RUSC2: variants seen among roughly 807,000 people sequenced by gnomAD.
The protein encoded by RUSC2 is RUN and SH3 domain containing 2.
In RUSC2, 34 loss-of-function variants were observed where a neutral mutation model predicts 122.2. The observed-to-expected ratio is 0.28, with a 90% CI of 0.21 to 0.37. The LOEUF (loss-of-function observed/expected upper bound fraction) is 0.37, where lower values mean the gene tolerates loss of function less well. RUSC2 is among the 10% of genes least tolerant of loss of function. The probability of loss-of-function intolerance (pLI) is 1.00; values close to 1 mark genes in which losing one functional copy is unlikely to be tolerated. For synonymous variants in RUSC2, 784 were observed against 790.0 expected (o/e 0.99, Z 0.13); for missense variants, 1,747 against 1,952.4 (o/e 0.89, Z 1.98).
rs146775798 is a variant in RUSC2 at position 35,546,767 on chromosome 9, C to T, written c.246C>T (p.Asp82=). ...STPGGTARSI[D]STKSRSRDGR... ...CAGGAGGAACTGCACGGTCTATAGA[C>T]AGCACCAAGAGTAGGAGTCGGGATG... The change falls in exon 2 of 12, where the codon GAC becomes GAT. Residue 82 remains aspartate (D), a synonymous_variant. Transcript: ENST00000361226. This position sits in a 1 kb window ranked among gnomAD's most constrained non-coding sequence, Gnocchi z 4.3. The T allele has an allele frequency of 5.1e-4, 811 of 1,601,818 alleles. 1 individual carries two copies. The highest frequency in any genetic ancestry group is 5.7e-4 in the Non-Finnish European group (675 of 1,174,382).
At chr9:35,490,320 C>G (rs1776702986) in intron 1 of RUSC2, 148 bp downstream of exon 1, 1 of 155,024 alleles carries the variant, frequency 6.5e-6, no homozygotes, top group African/African-American at 2.4e-5. Context: ...GCTGCACCCG[C>G]CCTCTGCGTC....
At chr9:35,494,482 T>C (rs1564239452) in intron 1 of RUSC2, among the ~76,000 whole-genome samples, 1 of 152,220 alleles carries the variant, frequency 6.6e-6, no homozygotes, top group East Asian at 1.9e-4. Context: ...AATAGTAATA[T>C]AACCATCCTA....
chr9:35,533,526 T>C lies in RUSC2; in HGVS notation c.-92-12904T>C, dbSNP rs532198713. ...ATTTAAAGTATACAATTCAATTGTT[T>C]TAGTATATTCACAGTTGTGCAACTA... On this transcript the variant is annotated intron_variant, in intron 1 of 11. Coordinates refer to ENST00000361226, the MANE Select transcript of RUSC2 (RefSeq NM_014806.5). 3.3e-5 allele frequency among the ~76,000 whole-genome samples: 5 copies of C among 152,322 alleles called. No individual in the cohort carries two copies. In the East Asian group the frequency reaches 5.8e-4, roughly 18 times the overall value.
chr9:35,530,161 A>T (rs1821393665), intron 1 of RUSC2, among the ~76,000 whole-genome samples: 1 of 152,144 alleles, frequency 6.6e-6, no homozygotes, highest in African/African-American at 2.4e-5. Context: ...CATGTTGCCG[A>T]GGCTGGTATC....
intron 1 of RUSC2, among the ~76,000 whole-genome samples, chr9:35,537,755 G>T (rs1821557978): frequency 6.6e-6 from 1 of 152,230 alleles, no homozygotes; most frequent in Non-Finnish European, 1.5e-5. Flanking sequence ...TCCAAGGGCA[G>T]GCTGTGGAGT....
chr9:35,511,460 A>C (rs1821009282), intron 1 of RUSC2, among the ~76,000 whole-genome samples: 3 of 152,196 alleles, frequency 2.0e-5, no homozygotes, highest in Admixed American at 2.0e-4. Context: ...ATATTCCAGA[A>C]GCCCATCACT....
At chr9:35,549,380 T>A (rs1244438893) in intron 2 of RUSC2, among the ~76,000 whole-genome samples, 1 of 152,158 alleles carries the variant, frequency 6.6e-6, no homozygotes, top group East Asian at 1.9e-4. Context: ...TCTTTCCCTA[T>A]TTATTTTGTT....
intron 1 of RUSC2, among the ~76,000 whole-genome samples, chr9:35,510,502 C>A (rs2132504861): frequency 6.6e-6 from 1 of 152,356 alleles, no homozygotes; most frequent in South Asian, 2.1e-4. Context: ...TTCCAAAGGC[C>A]TACTTAATCG....
intron 1 of RUSC2, among the ~76,000 whole-genome samples, chr9:35,544,405 T>G (rs1821704536): frequency 6.6e-6 from 1 of 150,484 alleles, no homozygotes; most frequent in South Asian, 2.1e-4. Flanking sequence ...ACTCTCTAGT[T>G]CAAGCGATTC....
Position 35,514,725 on chromosome 9 carries a change from G to A in RUSC2, c.-93+24553G>A, listed in dbSNP as rs1400239911. Among the ~76,000 whole-genome samples the A allele has an allele frequency of 3.3e-5, 5 of 152,090 alleles. No homozygotes were observed. The South Asian group carries it at 8.3e-4, about 25-fold the overall frequency. On this transcript the variant is annotated intron_variant, in intron 1 of 11. Transcript: ENST00000361226. ...CGGAAGTACAGAGATAGATGGTCCT[G>A]GGCTAGTATGGCAGCTCCACAGTCA... is the stretch of plus-strand genomic sequence containing the variant.
At chr9:35,526,084 T>C (rs565070009) in intron 1 of RUSC2, among the ~76,000 whole-genome samples, 1 of 152,312 alleles carries the variant, frequency 6.6e-6, no homozygotes. Context: ...CTGTTTTGAA[T>C]AGACCACTGT....
intron 1 of RUSC2, among the ~76,000 whole-genome samples, chr9:35,491,142 A>C (rs1480070799): frequency 6.6e-6 from 1 of 151,948 alleles, no homozygotes; most frequent in Non-Finnish European, 1.5e-5. Flanking sequence ...AAGGGCCTGA[A>C]ACCTGTTTTT....
chr9:35,524,887 C>G (rs369033505), intron 1 of RUSC2, among the ~76,000 whole-genome samples: 1 of 151,492 alleles, frequency 6.6e-6, no homozygotes, highest in East Asian at 1.9e-4. Context: ...AGGAGAATGG[C>G]GTGAACCCGG....
In RUSC2 at chr9:35,558,487, C is replaced by G. The variant is rs762760340; in HGVS notation, c.3261C>G (p.Gly1087=). 3.7e-6 allele frequency: 6 copies of G among 1,613,998 alleles called. No homozygotes were observed. The African/African-American group carries it at 8.0e-5, about 22-fold the overall frequency. ...QLGPSTKVLH[G]LYNKVSQFPE... ...GCCCATCCACCAAGGTCCTGCATGG[C>G]CTCTACAACAAAGTCAGCCAATTCC... The change falls in exon 8 of 12, where the codon GGC becomes GGG. Residue 1087 remains glycine, a synonymous_variant. Coordinates refer to ENST00000361226, the MANE Select transcript of RUSC2 (RefSeq NM_014806.5). The surrounding 1 kb of genome is among the most constrained non-coding windows in gnomAD (Gnocchi z 4.3).
chr9:35,506,795 G>A (rs558679132), intron 1 of RUSC2, among the ~76,000 whole-genome samples: 1 of 152,202 alleles, frequency 6.6e-6, no homozygotes, highest in African/African-American at 2.4e-5. Flanking sequence ...CATCTAAGTA[G>A]GAATTTTAAA....
At chr9:35,521,948 T>C (rs753353829) in intron 1 of RUSC2, among the ~76,000 whole-genome samples, 52 of 152,242 alleles carry the variant, frequency 3.4e-4, no homozygotes, top group Non-Finnish European at 5.1e-4. Flanking sequence ...CCTGATGCCA[T>C]AGCCAGGTGC....
Position 35,524,920 on chromosome 9 carries a change from A to G in RUSC2, c.-92-21510A>G, listed in dbSNP as rs375712779. On this transcript the variant is annotated intron_variant, in intron 1 of 11. Coordinates refer to ENST00000361226, the MANE Select transcript of RUSC2 (RefSeq NM_014806.5). ...CGGGAGGTGGAGCTTGCAGTAAGCC[A>G]AGATCGCACCACTGCACTCCAGCCT... Among the ~76,000 whole-genome samples, 345 of 152,006 alleles carry G rather than the reference A, an allele frequency of 2.3e-3. 2 individuals are homozygous for G. Among genetic ancestry groups the G allele is most frequent in the African/African-American group, 6.2e-3 (255 of 41,460 alleles).
chr9:35,490,795 C>T (rs934767502), intron 1 of RUSC2, among the ~76,000 whole-genome samples: 1 of 152,202 alleles, frequency 6.6e-6, no homozygotes, highest in Non-Finnish European at 1.5e-5. Flanking sequence ...CACTCACTTG[C>T]CGCGAAGGGC....
chr9:35,547,509 G>A lies in RUSC2; in HGVS notation c.988G>A (p.Glu330Lys). The change falls in exon 2 of 12, where the codon GAG becomes AAG. Residue 330 changes from glutamate to lysine, a missense_variant. Coordinates refer to ENST00000361226, the MANE Select transcript of RUSC2 (RefSeq NM_014806.5). The surrounding 1 kb of genome is among the most constrained non-coding windows in gnomAD (Gnocchi z 4.6). ...FYLDLQPSPF[E>K]SKMSYESHHP... ...TCTGGATCTGCAGCCCTCCCCATTTGAGTCTAAGATGTCTTATGAGTCCCA... is the reference window on the plus strand; with the variant it reads ...TCTGGATCTGCAGCCCTCCCCATTTAAGTCTAAGATGTCTTATGAGTCCCA... The A allele has an allele frequency of 1.2e-6, 2 of 1,614,098 alleles. No homozygotes were observed. The highest frequency in any genetic ancestry group is 1.7e-6 in the Non-Finnish European group (2 of 1,180,020).
Sources: allele counts gnomAD v4.1 joint callset (sites outside exome capture counted in the v4.1 genomes callset), GRCh38; gene constraint gnomAD v4.1.1; non-coding constraint Gnocchi (gnomAD v3.1); transcripts MANE v1.5; gene names NCBI Gene and HGNC (gene_info 2026-07-23, HGNC 2026-07-21).